Variants in HS6ST3 observed in about 807,000 individuals in gnomAD.
HS6ST3 encodes heparan sulfate 6-O-sulfotransferase 3, also known as heparan-sulfate 6-O-sulfotransferase 3.
A neutral mutation model predicts 36.7 loss-of-function variants in HS6ST3; 12 were observed. That is an observed-to-expected ratio of 0.33 (90% CI 0.21 to 0.53). HS6ST3 has a LOEUF of 0.53. Ranked by LOEUF, HS6ST3 falls within the 20% of genes least tolerant of loss-of-function variation. HS6ST3 has a pLI of 0.95. For synonymous variants in HS6ST3, 240 were observed against 257.5 expected, an observed-to-expected ratio of 0.93 and a Z score of 0.65; for missense variants, 584 against 640.9, an observed-to-expected ratio of 0.91 and a Z score of 0.96.
At chr13:96,776,201 G>A (rs1877383335) in intron 1 of HS6ST3, among the ~76,000 whole-genome samples, 1 of 151,950 alleles carries the variant, frequency 6.6e-6, no homozygotes, top group Non-Finnish European at 1.5e-5. Context: ...GTGTTTAGAG[G>A]GAATTTTACG....
intron 1 of HS6ST3, among the ~76,000 whole-genome samples, chr13:96,549,320 C>A (rs767558866): frequency 4.6e-5 from 7 of 152,060 alleles, no homozygotes; most frequent in Non-Finnish European, 8.8e-5. Context: ...TGAATGCAAG[C>A]GTTCATCTAT....
chr13:96,739,230 T>TGA (rs761418144), intron 1 of HS6ST3, among the ~76,000 whole-genome samples: 7,313 of 117,468 alleles, frequency 0.062, 234 homozygotes, highest in African/African-American at 0.07. Context: ...TGTGTGTGTG[T>TGA]GTGTGTGTGT....
intron 1 of HS6ST3, among the ~76,000 whole-genome samples, chr13:96,325,064 C>T (rs1387217516): frequency 6.6e-6 from 1 of 152,200 alleles, no homozygotes. Flanking sequence ...CTATCACTTA[C>T]TCACCAGTAA....
intron 1 of HS6ST3, among the ~76,000 whole-genome samples, chr13:96,131,816 G>A (rs1262210053): frequency 6.7e-6 from 1 of 149,680 alleles, no homozygotes; most frequent in Non-Finnish European, 1.5e-5. Context: ...ATGGCGTGGA[G>A]ACCATCTAAT....
rs146165166 is a variant in HS6ST3 at position 96,294,381 on chromosome 13, G to C, written c.707+202812G>C. 1.6e-3 allele frequency among the ~76,000 whole-genome samples: 249 copies of C among 152,264 alleles called. 1 individual carries two copies. The highest frequency in any genetic ancestry group is 3.5e-3 in the Admixed American group (54 of 15,268). On this transcript the variant is annotated intron_variant, in intron 1 of 1. Transcript: ENST00000376705. ...AAAGAAATAATTCAGCATAGCTGAAGTTATTACAACATTATTTCTTGGTTC... is the reference window on the plus strand; with the variant it reads ...AAAGAAATAATTCAGCATAGCTGAACTTATTACAACATTATTTCTTGGTTC...
At chr13:96,571,200 A>C (rs1010834503) in intron 1 of HS6ST3, among the ~76,000 whole-genome samples, 1 of 152,200 alleles carries the variant, frequency 6.6e-6, no homozygotes, top group Non-Finnish European at 1.5e-5. Context: ...CTTCCTCTCC[A>C]GGCACGTTGG....
chr13:96,566,308 G>T (rs1219460308), intron 1 of HS6ST3, among the ~76,000 whole-genome samples: 1 of 152,064 alleles, frequency 6.6e-6, no homozygotes, highest in Non-Finnish European at 1.5e-5. Flanking sequence ...TTTTAGAACT[G>T]AAGGAATGCA....
intron 1 of HS6ST3, among the ~76,000 whole-genome samples, chr13:96,817,183 C>A (rs926928519): frequency 3.9e-5 from 6 of 152,120 alleles, no homozygotes; most frequent in African/African-American, 1.2e-4. Context: ...TTGGGGGGTG[C>A]ACGATGTAGG....
intron 1 of HS6ST3, among the ~76,000 whole-genome samples, chr13:96,344,364 C>T (rs145352827): frequency 6.6e-6 from 1 of 152,184 alleles, no homozygotes; most frequent in African/African-American, 2.4e-5. Context: ...GCTTGTATAT[C>T]TTCTGTGAGA....
At chr13:96,690,649 T>G (rs1198110745) in intron 1 of HS6ST3, among the ~76,000 whole-genome samples, 1 of 152,088 alleles carries the variant, frequency 6.6e-6, no homozygotes. Flanking sequence ...TGTCAAGGAC[T>G]TCTGAAATTG....
At chr13:96,094,714 T>G (rs1157827135) in intron 1 of HS6ST3, among the ~76,000 whole-genome samples, 2 of 152,070 alleles carry the variant, frequency 1.3e-5, no homozygotes, top group Non-Finnish European at 2.9e-5. Flanking sequence ...ATCATATGGA[T>G]TATGTGGGTC....
chr13:96,329,089 T>G (rs1342319894), intron 1 of HS6ST3, among the ~76,000 whole-genome samples: 1 of 150,974 alleles, frequency 6.6e-6, no homozygotes, highest in Non-Finnish European at 1.5e-5. Flanking sequence ...TTTATTAGTC[T>G]TGCTAGTGGT....
At chr13:96,355,103 A>G (rs1377302375) in intron 1 of HS6ST3, among the ~76,000 whole-genome samples, 2 of 152,174 alleles carry the variant, frequency 1.3e-5, no homozygotes, top group Non-Finnish European at 2.9e-5. Context: ...AAAAAGGATA[A>G]CTATAGTGAT....
intron 1 of HS6ST3, among the ~76,000 whole-genome samples, chr13:96,339,707 C>T (rs2055120651): frequency 6.6e-6 from 1 of 152,152 alleles, no homozygotes; most frequent in Admixed American, 6.5e-5. Flanking sequence ...CAGACAATCC[C>T]TAGGCCTCCC....
At chr13:96,302,432 T>C (rs2054888145) in intron 1 of HS6ST3, among the ~76,000 whole-genome samples, 1 of 152,300 alleles carries the variant, frequency 6.6e-6, no homozygotes, top group South Asian at 2.1e-4. Flanking sequence ...TGGGTAAATC[T>C]TTATAAAAAG....
intron 1 of HS6ST3, among the ~76,000 whole-genome samples, chr13:96,527,158 C>T (rs962375855): frequency 7.2e-5 from 11 of 151,842 alleles, no homozygotes; most frequent in Non-Finnish European, 1.0e-4. Flanking sequence ...GGAACAATCA[C>T]GGCTCACTGC....
At chr13:96,389,588 AG>A (rs2055385755) in intron 1 of HS6ST3, among the ~76,000 whole-genome samples, 1 of 152,196 alleles carries the variant, frequency 6.6e-6, no homozygotes, top group African/African-American at 2.4e-5. Flanking sequence ...TAGAAAGATA[AG>A]TAGGGAATTT....
In HS6ST3 at chr13:96,787,696, C is replaced by A. The variant is rs1877685595; in HGVS notation, c.708-44794C>A. Among the ~76,000 whole-genome samples the A allele has an allele frequency of 2.6e-5, 4 of 151,864 alleles. No homozygotes were observed. The South Asian group carries it at 8.3e-4, about 32-fold the overall frequency. ...ATGATATGTGATTTGCAAATATTTT[C>A]TCCCAGACTGTAGCTTGTCAGTTCT... On this transcript the variant is annotated intron_variant, in intron 1 of 1. Transcript: ENST00000376705.
At chr13:96,424,577 AGGTGCTGAT>A (rs1342683972) in intron 1 of HS6ST3, among the ~76,000 whole-genome samples, 1 of 152,148 alleles carries the variant, frequency 6.6e-6, no homozygotes, top group Non-Finnish European at 1.5e-5. Context: ...TCCAAGATGG[AGGTGCTGAT>A]AGGTTCAATG....
Sources: gnomAD v4.1 joint callset for allele counts (sites outside exome capture counted in the v4.1 genomes callset) on GRCh38, gnomAD v4.1.1 for gene constraint, MANE v1.5 for transcripts, NCBI Gene and HGNC (gene_info 2026-07-23, HGNC 2026-07-21) for gene names.